Variants in SPICE1 observed in about 807,000 individuals in gnomAD.
The protein encoded by SPICE1 is spindle and centriole-associated protein 1.
A neutral mutation model predicts 102.7 loss-of-function variants in SPICE1; 75 were observed. That is an observed-to-expected ratio of 0.73 (90% CI 0.61 to 0.88). SPICE1 has a LOEUF of 0.88. SPICE1 is among the 40% of genes least tolerant of loss of function. SPICE1 has a pLI of 0.00. For missense variants in SPICE1, 979 were observed against 1,020.1 expected (o/e 0.96, Z 0.55); for synonymous variants, 308 against 350.3 (o/e 0.88, Z 1.35).
chr3:113,447,394 T>C (rs115848605), intron 16 of SPICE1, among the ~76,000 whole-genome samples: 622 of 152,320 alleles, frequency 4.1e-3, no homozygotes, highest in Non-Finnish European at 5.7e-3. Context: ...GTTGATATAA[T>C]TGACTGAAGT....
chr3:113,460,484 T>C (rs1242239609), intron 12 of SPICE1, 133 bp downstream of exon 12: 1 of 1,416,616 alleles, frequency 7.1e-7, no homozygotes, highest in Non-Finnish European at 9.2e-7. Flanking sequence ...TAGTGGCAAC[T>C]GTAGTAGTGA....
At chr3:113,449,311 G>A (rs375567169) in intron 15 of SPICE1, 5 of 121,226 alleles carry the variant, frequency 4.1e-5, no homozygotes, top group South Asian at 2.5e-4. Flanking sequence ...GTACATGTTC[G>A]CACATAGTAC....
intron 13 of SPICE1, among the ~76,000 whole-genome samples, chr3:113,456,467 T>G (rs986457799): frequency 1.4e-4 from 22 of 151,980 alleles, no homozygotes; most frequent in African/African-American, 4.6e-4. Flanking sequence ...CCAGAAAAAA[T>G]GTACATGGGG....
At chr3:113,488,697 T>A (rs1690473089) in intron 7 of SPICE1, among the ~76,000 whole-genome samples, 1 of 152,178 alleles carries the variant, frequency 6.6e-6, no homozygotes, top group Non-Finnish European at 1.5e-5. Context: ...CATGCATGTG[T>A]GTGCATACTC....
chr3:113,509,589 A>G (rs915626490), intron 1 of SPICE1, among the ~76,000 whole-genome samples: 26 of 152,206 alleles, frequency 1.7e-4, no homozygotes, highest in African/African-American at 5.1e-4. Context: ...GAGACAATAT[A>G]GTATAAAGGC....
At chr3:113,499,317 G>C in intron 4 of SPICE1, 122 bp downstream of exon 4, 1 of 1,105,394 alleles carries the variant, frequency 9.0e-7, no homozygotes, top group Non-Finnish European at 1.2e-6. Context: ...TCCACATGTA[G>C]ATTATTGAAT....
intron 11 of SPICE1, among the ~76,000 whole-genome samples, chr3:113,463,463 T>C (rs1194509520): frequency 6.6e-6 from 1 of 152,218 alleles, no homozygotes; most frequent in Non-Finnish European, 1.5e-5. Flanking sequence ...AATATGTATA[T>C]GAATGTTCAT....
intron 2 of SPICE1, 27 bp downstream of exon 2, chr3:113,506,480 A>C: frequency 6.4e-7 from 1 of 1,550,432 alleles, no homozygotes; most frequent in South Asian, 1.1e-5. Flanking sequence ...GTAATGTTAC[A>C]TTATTTACTA....
At chr3:113,453,032 T>G (rs900127081) in intron 14 of SPICE1, among the ~76,000 whole-genome samples, 3 of 152,048 alleles carry the variant, frequency 2.0e-5, no homozygotes, top group Admixed American at 6.5e-5. Context: ...AACCACCTCA[T>G]TTCTATAGGA....
At chr3:113,462,950 C>T (rs1417287907) in intron 11 of SPICE1, among the ~76,000 whole-genome samples, 1 of 152,156 alleles carries the variant, frequency 6.6e-6, no homozygotes, top group East Asian at 1.9e-4. Context: ...TCCTGCCTCT[C>T]TCTCTTCCTC....
intron 7 of SPICE1, among the ~76,000 whole-genome samples, chr3:113,476,223 A>C (rs1936342593): frequency 6.6e-6 from 1 of 150,596 alleles, no homozygotes; most frequent in South Asian, 2.1e-4. Flanking sequence ...AATCCAACTT[A>C]CAAGGGATGT....
In SPICE1 at chr3:113,484,416, G is replaced by T. The variant is rs371621598; in HGVS notation, c.611+4529C>A. 5.3e-5 allele frequency among the ~76,000 whole-genome samples: 8 copies of T among 151,952 alleles called. No homozygotes were observed. The East Asian group carries it at 1.5e-3, about 29-fold the overall frequency. ...TGATCTTAGTTATTTCTTGTCTTCTGCTAACTTTTGAATTTGTTTGCTCTT... is the reference window on the plus strand; with the variant it reads ...TGATCTTAGTTATTTCTTGTCTTCTTCTAACTTTTGAATTTGTTTGCTCTT... On this transcript the variant is annotated intron_variant, in intron 7 of 17. Coordinates refer to ENST00000295872, the MANE Select transcript of SPICE1 (RefSeq NM_144718.4).
rs1015698537 is a variant in SPICE1 at position 113,471,939 on chromosome 3, C to T, written c.612-2701G>A. Among the ~76,000 whole-genome samples, 6 of 152,266 alleles carry T rather than the reference C, an allele frequency of 3.9e-5. No homozygotes were observed. In the East Asian group the frequency reaches 1.2e-3, roughly 29 times the overall value. On this transcript the variant is annotated intron_variant, in intron 7 of 17. Coordinates refer to ENST00000295872, the MANE Select transcript of SPICE1 (RefSeq NM_144718.4). The stretch of plus-strand genomic sequence containing the variant: ...ACTAGGGAGTGCCAGACGGTGAGCG[C>T]AGGACAGTGGGTGCAGTGCACCGTG...
At chr3:113,468,673 T>C in intron 9 of SPICE1, 89 bp downstream of exon 9, 1 of 1,429,172 alleles carries the variant, frequency 7.0e-7, no homozygotes, top group Admixed American at 2.3e-5. Flanking sequence ...GTGGATGAGA[T>C]TAAGGGAGAA....
intron 4 of SPICE1, among the ~76,000 whole-genome samples, chr3:113,495,590 GA>G (rs1936864953): frequency 6.6e-6 from 1 of 152,194 alleles, no homozygotes; most frequent in Non-Finnish European, 1.5e-5. Context: ...AGGGGTGGTA[GA>G]TGGATATGGA....
intron 7 of SPICE1, among the ~76,000 whole-genome samples, chr3:113,485,771 C>T: frequency 6.6e-6 from 1 of 152,160 alleles, no homozygotes; most frequent in East Asian, 1.9e-4. Context: ...GATGCCAGTT[C>T]TCTCTAGTTA....
rs760068541 is a variant in SPICE1 at position 113,468,210 on chromosome 3, T to G, written c.1084A>C (p.Ser362Arg). The stretch of plus-strand genomic sequence containing the variant: ...AAAGTGAAGCCTGTAAGACCCTGAC[T>G]GCTCTGCAGACCCTTGACCTCGCGA... Reference protein sequence around the residue: ...TGREVKGLQSSQGLTGFTLSL... With the variant: ...TGREVKGLQSRQGLTGFTLSL... The change falls in exon 10 of 18, where the codon AGT (serine) becomes CGT (arginine). Residue 362 changes from serine to arginine, a missense_variant. By Grantham distance (110) the Ser-to-Arg change is moderately radical (BLOSUM62 -1). Transcript: ENST00000295872. 3 of 1,614,072 alleles carry G rather than the reference T, an allele frequency of 1.9e-6. No individual in the cohort carries two copies. The East Asian group carries it at 6.7e-5, about 36-fold the overall frequency.
In SPICE1 at chr3:113,457,259, C is replaced by T. The variant is rs770268721; in HGVS notation, c.1534G>A (p.Val512Met). Residue 512 changes from valine to methionine, a missense_variant, in exon 13 of 18, where the codon GTG becomes ATG. Val to Met is a conservative substitution (Grantham distance 21). Transcript: ENST00000295872. ...QEELPVKLSQVPDPPDNMNLA... is the reference protein window; with the variant it reads ...QEELPVKLSQMPDPPDNMNLA... ...TTCATGTTATCTGGAGGGTCTGGCA[C>T]CTGAGACAGTTTAACGGGCAACTCT... 6.2e-7 allele frequency: 1 copy of T among 1,613,992 alleles called. No homozygotes were observed. The highest frequency in any genetic ancestry group is 1.3e-5 in the African/African-American group (1 of 74,878).
At chr3:113,469,293 T>C (rs1269822352) in intron 7 of SPICE1, 55 bp from the exon 8 acceptor site, 4 of 744,648 alleles carry the variant, frequency 5.4e-6, no homozygotes, top group Non-Finnish European at 5.2e-6. Context: ...ATTAATATAA[T>C]ATAAATATAA....
Sources: gnomAD v4.1 joint callset for allele counts (sites outside exome capture counted in the v4.1 genomes callset) on GRCh38, gnomAD v4.1.1 for gene constraint, MANE v1.5 for transcripts, NCBI Gene and HGNC (gene_info 2026-07-23, HGNC 2026-07-21) for gene names.